C21orf58: variants seen among roughly 807,000 people sequenced by gnomAD.
C21orf58 encodes the protein uncharacterized protein C21orf58.
A neutral mutation model predicts 35.8 loss-of-function variants in C21orf58; 34 were observed. That is an observed-to-expected ratio of 0.95 (90% confidence interval 0.72 to 1.26). C21orf58 has a LOEUF of 1.26. Among genes scored for constraint, C21orf58 ranks in the 50% most tolerant of loss-of-function variants. C21orf58 has a pLI of 0.00. For synonymous variants in C21orf58, 191 were observed against 175.8 expected (o/e 1.09, Z -0.68); for missense variants, 440 against 414.3 (o/e 1.06, Z -0.54).
At chr21:46,300,655 C>T (rs1354290629), downstream of C21orf58, 1 of 1,256,980 alleles carries the variant, frequency 8.0e-7, no homozygotes, top group South Asian at 1.3e-5. Context: ...ATGTCAGCAC[C>T]AGGTGGCTGT....
chr21:46,317,973 G>A (rs117425030), intron 2 of C21orf58, 39 bp downstream of exon 2: 41,935 of 1,606,906 alleles, frequency 0.026, 660 homozygotes, highest in Non-Finnish European at 0.031. Context: ...CACAGCCTGC[G>A]AGTTGTTAAA....
intron 6 of C21orf58, among the ~76,000 whole-genome samples, chr21:46,304,634 G>C (rs1472997285): frequency 6.6e-6 from 1 of 152,226 alleles, no homozygotes; most frequent in Non-Finnish European, 1.5e-5. Context: ...TGTTGGTGAA[G>C]TGCTCTGGCG....
downstream of C21orf58, chr21:46,300,767 CG>C (rs1159549151): frequency 7.8e-7 from 1 of 1,289,040 alleles, no homozygotes; most frequent in Non-Finnish European, 1.0e-6. Flanking sequence ...CCTCCTTGTG[CG>C]GAACTTCAGG....
chr21:46,311,677 A>G, intron 5 of C21orf58, 110 bp from the exon 6 acceptor site: 2 of 529,726 alleles, frequency 3.8e-6, no homozygotes, highest in Middle Eastern at 1.1e-3. Context: ...CCAACCAACC[A>G]TCCACCCATC....
At chr21:46,318,893 T>C (rs1309302457) in intron 1 of C21orf58, 7 of 980,146 alleles carry the variant, frequency 7.1e-6, no homozygotes, top group Non-Finnish European at 8.5e-6. Context: ...AACTCCACGT[T>C]GATGAGTTAG....
At chr21:46,312,705 G>A (rs1195222895) in intron 5 of C21orf58, among the ~76,000 whole-genome samples, 1 of 152,186 alleles carries the variant, frequency 6.6e-6, no homozygotes, top group African/African-American at 2.4e-5. Flanking sequence ...CTTTAATAGA[G>A]ATGCAGTGGT....
At chr21:46,319,769 C>T (rs1307129264) in intron 1 of C21orf58, among the ~76,000 whole-genome samples, 3 of 151,280 alleles carry the variant, frequency 2.0e-5, no homozygotes, top group Non-Finnish European at 4.4e-5. Flanking sequence ...TCGTGGTAGG[C>T]GCCTGTAATC....
At position 46,323,818 on chromosome 21, in the gene C21orf58, G is replaced by C. The variant is rs958359928; in HGVS notation, c.-1080C>G. The C allele has an allele frequency of 3.0e-6, 1 of 338,934 alleles. No homozygotes were observed. Among genetic ancestry groups the C allele is most frequent in the Non-Finnish European group, 5.7e-6 (1 of 176,166 alleles). 21.0% of individuals were successfully genotyped at this position (338,934 alleles called of 1,614,324 possible). ...GCAGGGAGCCCGGCCCGCTGTCCTGGTGGACACAAAGCCCAGGGGCCGCCC... is the reference window on the plus strand; with the variant it reads ...GCAGGGAGCCCGGCCCGCTGTCCTGCTGGACACAAAGCCCAGGGGCCGCCC... On this transcript the variant is annotated 5_prime_UTR_variant, in exon 1 of 8. Transcript: ENST00000291691.
downstream of C21orf58, chr21:46,300,623 C>T (rs549779718): frequency 3.4e-5 from 41 of 1,207,842 alleles, no homozygotes; most frequent in Admixed American, 4.3e-4. Context: ...CTGGGCCCTT[C>T]GGTGTTCACA....
chr21:46,311,599 T>C, intron 5 of C21orf58, 32 bp from the exon 6 acceptor site: 1 of 1,379,014 alleles, frequency 7.3e-7, no homozygotes. Flanking sequence ...GCTATCTGCA[T>C]ATGTCCTTGA....
rs756888975 is a variant in C21orf58 at position 46,302,005 on chromosome 21, T to TG, written c.962dup (p.Pro322ThrfsTer128). Reference sequence around the variant, plus strand: ...GGGTCTCTGTGACTCACACTCAGGGTGGGCCAGGCGTCCACAGGCTGGGGG... The same window carrying TG: ...GGGTCTCTGTGACTCACACTCAGGGTGGGGCCAGGCGTCCACAGGCTGGGGG... On this transcript the variant is annotated frameshift_variant, in exon 8 of 8. Transcript: ENST00000291691. LOFTEE classifies it high-confidence loss of function. The TG allele has an allele frequency of 7.2e-6, 11 of 1,530,168 alleles. No homozygotes were observed. The East Asian group carries it at 2.5e-4, about 35-fold the overall frequency. The allele number at this position is 1,530,168 out of a possible 1,614,324, so 94.8% of individuals were successfully genotyped here. A position where few individuals can be genotyped will look rare whatever the true frequency, so the allele number is the denominator to read the frequency against.
At chr21:46,316,514 G>A (rs941015255) in intron 3 of C21orf58, among the ~76,000 whole-genome samples, 15 of 152,164 alleles carry the variant, frequency 9.9e-5, no homozygotes, top group Non-Finnish European at 1.5e-4. Flanking sequence ...AGAAGGCTCC[G>A]GAAGGTGGGG....
At chr21:46,300,874 G>T, downstream of C21orf58, 1 of 1,078,768 alleles carries the variant, frequency 9.3e-7, no homozygotes, top group Non-Finnish European at 1.2e-6. Flanking sequence ...AAACATAATT[G>T]CACCCAAAAA....
Position 46,315,537 on chromosome 21 carries a change from G to T in C21orf58, c.381C>A (p.Asp127Glu), listed in dbSNP as rs2082940771. The T allele has an allele frequency of 6.2e-7, 1 of 1,610,146 alleles. No homozygotes were observed. Among genetic ancestry groups the T allele is most frequent in the Non-Finnish European group, 8.5e-7 (1 of 1,176,860 alleles). Residue 127 changes from aspartate to glutamate, a missense_variant, in exon 4 of 8, where the codon GAC becomes GAA. Physicochemically the swap from Asp to Glu is conservative, Grantham distance 45. Transcript: ENST00000291691. Reference protein sequence around the residue: ...EGLHLEPGNEDRPDDALQTAL... With the variant: ...EGLHLEPGNEERPDDALQTAL... ...CAGTCTGCAGGGCATCGTCCGGCCGGTCCTCATTTCCTGGAGGGAAGAACC... is the reference window on the plus strand; with the variant it reads ...CAGTCTGCAGGGCATCGTCCGGCCGTTCCTCATTTCCTGGAGGGAAGAACC...
intron 6 of C21orf58, among the ~76,000 whole-genome samples, chr21:46,303,735 A>AT (rs2082262196): frequency 3.6e-5 from 1 of 28,122 alleles, no homozygotes; most frequent in Non-Finnish European, 7.2e-5. Context: ...ATATATATAT[A>AT]TATATATATA....
At chr21:46,308,783 A>G (rs567230040) in intron 6 of C21orf58, among the ~76,000 whole-genome samples, 1 of 152,160 alleles carries the variant, frequency 6.6e-6, no homozygotes, top group Non-Finnish European at 1.5e-5. Context: ...TAATGCATAC[A>G]TGAGATAATG....
chr21:46,313,156 G>C, intron 5 of C21orf58: 1 of 648,584 alleles, frequency 1.5e-6, no homozygotes. Flanking sequence ...ATTGCAGCAT[G>C]AAAGCAGCTA....
chr21:46,316,283 C>T (rs894231200), intron 3 of C21orf58, among the ~76,000 whole-genome samples: 3 of 152,044 alleles, frequency 2.0e-5, no homozygotes, highest in African/African-American at 7.2e-5. Context: ...TGGCAAAACC[C>T]CTTCTCTACT....
At chr21:46,314,628 C>A (rs778210196) in intron 5 of C21orf58, 88 bp downstream of exon 5, 6 of 1,085,370 alleles carry the variant, frequency 5.5e-6, no homozygotes, top group Non-Finnish European at 7.8e-6. Context: ...AACCTCGCTG[C>A]AGGCACAGCG....
Sources: allele counts gnomAD v4.1 joint callset (sites outside exome capture counted in the v4.1 genomes callset), GRCh38; gene constraint gnomAD v4.1.1; transcripts MANE v1.5; gene names NCBI Gene and HGNC (gene_info 2026-07-23, HGNC 2026-07-21).